Variants in SLC24A2 observed in about 807,000 individuals in gnomAD.
The protein encoded by SLC24A2 is sodium/potassium/calcium exchanger 2.
Under a neutral mutation model 62.0 loss-of-function variants are expected in SLC24A2, and 36 were observed. The ratio of observed to expected loss-of-function variants is 0.58; its 90% CI spans 0.44 to 0.77. The LOEUF (loss-of-function observed/expected upper bound fraction) is 0.77, where lower values mean the gene tolerates loss of function less well. Ranked by LOEUF, SLC24A2 falls within the 30% of genes least tolerant of loss-of-function variation. The pLI, the probability that SLC24A2 is intolerant of heterozygous loss-of-function variation, is 0.00. For synonymous variants in SLC24A2, 358 were observed against 294.0 expected (o/e 1.22, Z -2.23); for missense variants, 846 against 817.9 (o/e 1.03, Z -0.42).
chr9:19,722,443 C>A (rs1222675756), intron 2 of SLC24A2, among the ~76,000 whole-genome samples: 1 of 152,038 alleles, frequency 6.6e-6, no homozygotes, highest in African/African-American at 2.4e-5. Context: ...TCTCCTTTGG[C>A]ACTATTACAT....
At chr9:19,674,499 C>A (rs1448932728) in intron 2 of SLC24A2, among the ~76,000 whole-genome samples, 2 of 152,162 alleles carry the variant, frequency 1.3e-5, no homozygotes, top group Non-Finnish European at 2.9e-5. Context: ...TCAGGAACAC[C>A]AATTATTCCT....
chr9:20,064,626 C>T, the SLC24A2 span, among the ~76,000 whole-genome samples: 1 of 152,120 alleles, frequency 6.6e-6, no homozygotes, highest in South Asian at 2.1e-4. Flanking sequence ...CTCTGACTTT[C>T]CCATTGGAAA....
At chr9:19,573,529 CAGAGAGAGAGAGAG>C (rs35965587) in intron 6 of SLC24A2, 60 bp from the exon 7 acceptor site, 1 of 403,618 alleles carries the variant, frequency 2.5e-6, no homozygotes, top group East Asian at 1.0e-4. Context: ...CACACACACA[CAGAGAGAGAGAGAG>C]AGAGAGAGAG....
chr9:20,299,238 AC>A, the SLC24A2 span, among the ~76,000 whole-genome samples: 2 of 152,190 alleles, frequency 1.3e-5, no homozygotes, highest in Non-Finnish European at 2.9e-5. Context: ...AAGGATCTTC[AC>A]AGATGTGAAT....
At chr9:19,856,195 A>T in the SLC24A2 span, among the ~76,000 whole-genome samples, 5 of 152,210 alleles carry the variant, frequency 3.3e-5, no homozygotes, top group East Asian at 1.9e-4. Flanking sequence ...ATGTTTTATC[A>T]TGGTTCTTAG....
chr9:20,101,963 T>C, the SLC24A2 span, among the ~76,000 whole-genome samples: 1 of 152,236 alleles, frequency 6.6e-6, no homozygotes, highest in East Asian at 1.9e-4. Flanking sequence ...AAGATCTCTT[T>C]TTTCTCTTTC....
chr9:19,758,265 G>A (rs1310811029), intron 2 of SLC24A2, among the ~76,000 whole-genome samples: 3 of 152,120 alleles, frequency 2.0e-5, no homozygotes, highest in Admixed American at 6.6e-5. Flanking sequence ...TGTGTCTCCT[G>A]TGACCTACCA....
At chr9:19,839,963 G>C in the SLC24A2 span, among the ~76,000 whole-genome samples, 1 of 152,088 alleles carries the variant, frequency 6.6e-6, no homozygotes, top group Middle Eastern at 3.2e-3. Flanking sequence ...ATATCATCCA[G>C]GTTTATGTGA....
intron 2 of SLC24A2, among the ~76,000 whole-genome samples, chr9:19,752,779 C>T (rs1456056386): frequency 6.6e-6 from 1 of 152,112 alleles, no homozygotes; most frequent in Non-Finnish European, 1.5e-5. Flanking sequence ...ACACTAGGTA[C>T]TATTCCCATG....
chr9:20,096,971 A>G, the SLC24A2 span, among the ~76,000 whole-genome samples: 3 of 152,188 alleles, frequency 2.0e-5, no homozygotes, highest in Non-Finnish European at 2.9e-5. Context: ...CCAATTCCCA[A>G]TGACTTTCAC....
intron 2 of SLC24A2, among the ~76,000 whole-genome samples, chr9:19,719,749 AC>A (rs1820969296): frequency 1.3e-5 from 2 of 152,150 alleles, no homozygotes; most frequent in Admixed American, 1.3e-4. Context: ...TCATATAACT[AC>A]CTAGATGTCT....
At chr9:19,563,751 C>CTT (rs1835517251) in intron 7 of SLC24A2, among the ~76,000 whole-genome samples, 2 of 117,244 alleles carry the variant, frequency 1.7e-5, no homozygotes, top group Non-Finnish European at 3.3e-5. Context: ...TATAATGACC[C>CTT]TTCCTTCCTT....
chr9:19,650,024 C>A (rs1818754018), intron 2 of SLC24A2, among the ~76,000 whole-genome samples: 1 of 152,178 alleles, frequency 6.6e-6, no homozygotes. Context: ...CAACTGGTGA[C>A]ATAACATACA....
At chr9:20,212,734 T>C in the SLC24A2 span, among the ~76,000 whole-genome samples, 1 of 151,776 alleles carries the variant, frequency 6.6e-6, no homozygotes, top group Non-Finnish European at 1.5e-5. Flanking sequence ...GTAGCCTATG[T>C]ATAATATTTT....
At chr9:19,997,590 G>C in the SLC24A2 span, among the ~76,000 whole-genome samples, 1 of 152,182 alleles carries the variant, frequency 6.6e-6, no homozygotes, top group Non-Finnish European at 1.5e-5. Flanking sequence ...CCCAGTCACA[G>C]ATCCACTATT....
intron 1 of SLC24A2, 148 bp from the exon 2 acceptor site, chr9:19,787,167 A>T: frequency 3.9e-6 from 1 of 255,942 alleles, no homozygotes; most frequent in Non-Finnish European, 6.1e-6. Flanking sequence ...TTCCTCATTT[A>T]AAATGGGGAC....
chr9:19,727,493 C>T lies in SLC24A2; in HGVS notation c.930+58444G>A, dbSNP rs77075578. The stretch of plus-strand genomic sequence containing the variant: ...ATTTATTTTGTACTGTCTTCCCTCC[C>T]CTACAAGAAGGGAAGCTCCAAGCAG... On this transcript the variant is annotated intron_variant, in intron 2 of 10. Transcript: ENST00000341998. 2.0e-5 allele frequency among the ~76,000 whole-genome samples: 3 copies of T among 152,096 alleles called. No individual in the cohort carries two copies. The South Asian group carries it at 6.2e-4, about 32-fold the overall frequency.
At chr9:19,581,039 A>G (rs1298815440) in intron 5 of SLC24A2, among the ~76,000 whole-genome samples, 1 of 152,212 alleles carries the variant, frequency 6.6e-6, no homozygotes, top group Admixed American at 6.5e-5. Flanking sequence ...GAGGAAAAAG[A>G]GAATCAAACA....
chr9:19,550,007 A>T (rs1381616131), intron 8 of SLC24A2, 130 bp downstream of exon 8: 2 of 861,844 alleles, frequency 2.3e-6, no homozygotes, highest in African/African-American at 1.7e-5. Context: ...GTACCTATTT[A>T]TGGGGTATAT....
Sources: allele counts gnomAD v4.1 joint callset (sites outside exome capture counted in the v4.1 genomes callset), GRCh38; gene constraint gnomAD v4.1.1; transcripts MANE v1.5; gene names NCBI Gene and HGNC (gene_info 2026-07-23, HGNC 2026-07-21).